The following SLC35F3 variants were observed in gnomAD, a reference collection of about 807,000 sequenced individuals.
SLC35F3 encodes the protein solute carrier family 35 member F3.
In SLC35F3, 25 loss-of-function variants were observed where a neutral mutation model predicts 49.9. That is an observed-to-expected ratio of 0.50 (90% confidence interval 0.37 to 0.70). SLC35F3 has a LOEUF of 0.70. Among genes scored for constraint, SLC35F3 ranks in the 30% least tolerant of loss-of-function variants. The pLI, the probability that SLC35F3 is intolerant of heterozygous loss-of-function variation, is 0.00. For missense variants in SLC35F3, 525 were observed against 639.8 expected (o/e 0.82, Z 1.94); for synonymous variants, 275 against 265.4 (o/e 1.04, Z -0.35).
Position 234,017,322 on chromosome 1 carries a change from G to A in SLC35F3, c.283+111564G>A, listed in dbSNP as rs184489466. Among the ~76,000 whole-genome samples, 478 of 152,232 alleles carry A rather than the reference G, an allele frequency of 3.1e-3. 2 individuals carry two copies. Among genetic ancestry groups the A allele is most frequent in the African/African-American group, 0.011 (449 of 41,538 alleles). ...CTGAATTAAGGAATACTGAAGCATT[G>A]CTCCTGGGAAAAAGACAAGGTTAGG... On this transcript the variant is annotated intron_variant, in intron 2 of 7. Transcript: ENST00000366618.
intron 3 of SLC35F3, among the ~76,000 whole-genome samples, chr1:234,295,737 G>C (rs1476105976): frequency 6.6e-6 from 1 of 152,146 alleles, no homozygotes; most frequent in Non-Finnish European, 1.5e-5. Context: ...CCACTGCAAA[G>C]CCCTAAATAA....
At chr1:234,248,945 G>C (rs1667691853) in intron 3 of SLC35F3, among the ~76,000 whole-genome samples, 1 of 152,204 alleles carries the variant, frequency 6.6e-6, no homozygotes, top group South Asian at 2.1e-4. Flanking sequence ...GGATCCTCCA[G>C]GTTTCTTCTG....
rs543875523 is a variant in SLC35F3 at position 234,219,648 on chromosome 1, C to T, written c.284-11769C>T. On this transcript the variant is annotated intron_variant, in intron 2 of 7. Transcript: ENST00000366618. ...AGGGTGAACTCAGTTCTGGCTGGGA[C>T]GCAGATGGCCCCTGCGCAGCACTCT... 3.7e-4 allele frequency among the ~76,000 whole-genome samples: 57 copies of T among 152,258 alleles called. No homozygotes were observed. In the South Asian group the frequency reaches 7.3e-3, roughly 19 times the overall value.
At chr1:234,047,698 T>A (rs1481940077) in intron 2 of SLC35F3, among the ~76,000 whole-genome samples, 2 of 151,164 alleles carry the variant, frequency 1.3e-5, no homozygotes, top group Non-Finnish European at 3.0e-5. Context: ...CACACATACA[T>A]ACACACACAC....
chr1:234,322,269 TC>T (rs1301636351), intron 7 of SLC35F3, among the ~76,000 whole-genome samples: 20 of 151,622 alleles, frequency 1.3e-4, no homozygotes, highest in African/African-American at 4.4e-4. Context: ...TAGTTGAAAA[TC>T]CACATACAAC....
chr1:234,298,982 C>T (rs1013864851), intron 3 of SLC35F3, among the ~76,000 whole-genome samples: 1 of 152,158 alleles, frequency 6.6e-6, no homozygotes, highest in African/African-American at 2.4e-5. Context: ...TTTTCCAGTT[C>T]ACATTGTGTG....
intron 2 of SLC35F3, among the ~76,000 whole-genome samples, chr1:234,179,608 C>T (rs74147548): frequency 0.019 from 2,821 of 152,218 alleles, 75 homozygotes; most frequent in African/African-American, 0.063. Context: ...AATAATATAT[C>T]GTTGTTAACT....
At chr1:234,127,243 ACTGT>A (rs1665663582) in intron 2 of SLC35F3, among the ~76,000 whole-genome samples, 1 of 152,158 alleles carries the variant, frequency 6.6e-6, no homozygotes. Flanking sequence ...ATCTTTAATA[ACTGT>A]CTGTGATTCA....
intron 2 of SLC35F3, among the ~76,000 whole-genome samples, chr1:234,000,396 T>C (rs1663532856): frequency 6.6e-6 from 1 of 152,220 alleles, no homozygotes; most frequent in African/African-American, 2.4e-5. Context: ...TTTTACGCAA[T>C]GGCAGGGGAC....
rs1662724027 is a variant in SLC35F3 at position 233,957,504 on chromosome 1, C to T, written c.283+51746C>T. On this transcript the variant is annotated intron_variant, in intron 2 of 7. Transcript: ENST00000366618. This position sits in a 1 kb window ranked among gnomAD's most constrained non-coding sequence, Gnocchi z 4.0. ...GTTGGCTCTAGCTCCATAATTACAT[C>T]AAAATTTAGTGGCATAAATACAATA... is the stretch of plus-strand genomic sequence containing the variant. 6.6e-6 allele frequency among the ~76,000 whole-genome samples: 1 copy of T among 152,132 alleles called. No individual in the cohort carries two copies. The highest frequency in any genetic ancestry group is 2.4e-5 in the African/African-American group (1 of 41,442).
At chr1:234,033,694 G>A (rs899973370) in intron 2 of SLC35F3, among the ~76,000 whole-genome samples, 1 of 152,170 alleles carries the variant, frequency 6.6e-6, no homozygotes, top group African/African-American at 2.4e-5. Context: ...CAGATTCTCT[G>A]TTCTGTTTCA....
At chr1:234,054,453 C>T (rs139876395) in intron 2 of SLC35F3, among the ~76,000 whole-genome samples, 167 of 152,340 alleles carry the variant, frequency 1.1e-3, no homozygotes, top group African/African-American at 3.8e-3. Flanking sequence ...CTTGTGCATG[C>T]ATCATGTAGT....
intron 2 of SLC35F3, among the ~76,000 whole-genome samples, chr1:234,108,267 A>G (rs1208822455): frequency 3.4e-5 from 2 of 58,356 alleles, no homozygotes; most frequent in Non-Finnish European, 6.4e-5. Flanking sequence ...ATTTATATAT[A>G]TAAAAGATAT....
intron 2 of SLC35F3, among the ~76,000 whole-genome samples, chr1:233,909,170 T>G (rs1465532972): frequency 6.6e-6 from 1 of 152,184 alleles, no homozygotes; most frequent in East Asian, 1.9e-4. Context: ...GATTCTTTTT[T>G]AAAAATCCCA....
chr1:233,975,128 A>C (rs1275851383), intron 2 of SLC35F3, among the ~76,000 whole-genome samples: 1 of 152,254 alleles, frequency 6.6e-6, no homozygotes, highest in Non-Finnish European at 1.5e-5. Context: ...TCAGGAAGTC[A>C]GGCCTGCGGC....
rs1379531468 is a variant in SLC35F3, at chr1:234,072,080, A to G, written c.284-159337A>G. On this transcript the variant is annotated intron_variant, in intron 2 of 7. Coordinates refer to ENST00000366618, the MANE Select transcript of SLC35F3 (RefSeq NM_173508.4). ...TTTATGTAAGTGACTACTGAAATTAATTCAACAACAGTAGATATTGTAGGC... is the reference window on the plus strand; with the variant it reads ...TTTATGTAAGTGACTACTGAAATTAGTTCAACAACAGTAGATATTGTAGGC... Among the ~76,000 whole-genome samples the G allele has an allele frequency of 2.6e-5, 4 of 152,372 alleles. No homozygotes were observed. In the East Asian group the frequency reaches 5.8e-4, roughly 22 times the overall value.
intron 2 of SLC35F3, among the ~76,000 whole-genome samples, chr1:234,039,437 A>G (rs563312538): frequency 5.8e-4 from 89 of 152,330 alleles, no homozygotes; most frequent in Non-Finnish European, 1.1e-3. Flanking sequence ...CCCAAGGAAC[A>G]AGCTTTAACA....
chr1:234,068,824 T>TATATATATAC (rs1491412548), intron 2 of SLC35F3, among the ~76,000 whole-genome samples: 1 of 2,978 alleles, frequency 3.4e-4, no homozygotes, highest in Non-Finnish European at 6.1e-4. Context: ...TTTGAGACAT[T>TATATATATAC]ATATATATAT....
intron 3 of SLC35F3, among the ~76,000 whole-genome samples, chr1:234,256,700 C>A (rs1028390800): frequency 2.6e-5 from 4 of 152,218 alleles, no homozygotes; most frequent in Non-Finnish European, 5.9e-5. Flanking sequence ...ATGCTAATGC[C>A]ACCATTTGTC....
Sources: gnomAD v4.1 joint callset for allele counts (sites outside exome capture counted in the v4.1 genomes callset) on GRCh38, gnomAD v4.1.1 for gene constraint, Gnocchi (gnomAD v3.1) non-coding constraint, MANE v1.5 for transcripts, NCBI Gene and HGNC (gene_info 2026-07-23, HGNC 2026-07-21) for gene names.